Variants in TRIM44 observed in about 807,000 individuals in gnomAD.
The protein encoded by TRIM44 is tripartite motif containing 44, also known as tripartite motif-containing protein 44.
In TRIM44, 13 loss-of-function variants were observed where a neutral mutation model predicts 37.4. The observed-to-expected ratio is 0.35, with a 90% CI of 0.23 to 0.55. The LOEUF is 0.55. TRIM44 is among the 20% of genes least tolerant of loss of function. The pLI is 0.89. For synonymous variants in TRIM44, 175 were observed against 157.2 expected (o/e 1.11, Z -0.85); for missense variants, 426 against 437.2 (o/e 0.97, Z 0.23).
intron 4 of TRIM44, among the ~76,000 whole-genome samples, chr11:35,760,766 C>T (rs543030834): frequency 1.3e-5 from 2 of 152,280 alleles, no homozygotes; most frequent in East Asian, 3.9e-4. Flanking sequence ...AGTTAACATG[C>T]ATTATCTCAC....
chr11:35,720,707 T>TC (rs1256372909), intron 2 of TRIM44, among the ~76,000 whole-genome samples: 9 of 151,704 alleles, frequency 5.9e-5, no homozygotes, highest in Admixed American at 1.3e-4. Context: ...TGGAGGAAGC[T>TC]CCCCCCCACC....
chr11:35,761,467 G>A (rs1452201061), intron 4 of TRIM44, among the ~76,000 whole-genome samples: 1 of 151,912 alleles, frequency 6.6e-6, no homozygotes, highest in African/African-American at 2.4e-5. Flanking sequence ...TAGGACTCAT[G>A]AACCCATGGC....
chr11:35,799,648 T>C (rs1215933240), intron 4 of TRIM44, among the ~76,000 whole-genome samples: 1 of 152,218 alleles, frequency 6.6e-6, no homozygotes, highest in Non-Finnish European at 1.5e-5. Context: ...CCTAGTTCTA[T>C]TATTTACAAG....
intron 2 of TRIM44, among the ~76,000 whole-genome samples, chr11:35,718,612 T>G (rs941111053): frequency 1.3e-5 from 2 of 152,170 alleles, no homozygotes; most frequent in Non-Finnish European, 2.9e-5. Flanking sequence ...TGCATTAGGA[T>G]TCACTGTTGG....
At chr11:35,718,433 A>G (rs1161476318) in intron 2 of TRIM44, among the ~76,000 whole-genome samples, 2 of 152,174 alleles carry the variant, frequency 1.3e-5, no homozygotes, top group African/African-American at 4.8e-5. Flanking sequence ...ATTTTTTAGC[A>G]TGGTTTTAGG....
intron 2 of TRIM44, among the ~76,000 whole-genome samples, chr11:35,720,099 A>AT (rs1282048331): frequency 6.6e-6 from 1 of 152,118 alleles, no homozygotes; most frequent in Non-Finnish European, 1.5e-5. Context: ...TTTGATTGGG[A>AT]TTTTGTTAAT....
chr11:35,721,060 C>A (rs1366069034), intron 2 of TRIM44, among the ~76,000 whole-genome samples: 1 of 152,030 alleles, frequency 6.6e-6, no homozygotes, highest in African/African-American at 2.4e-5. Context: ...TGCACCAACA[C>A]ACCCAGCTAA....
intron 4 of TRIM44, among the ~76,000 whole-genome samples, chr11:35,778,267 A>C (rs1036777847): frequency 6.6e-6 from 1 of 152,112 alleles, no homozygotes; most frequent in African/African-American, 2.4e-5. Flanking sequence ...AACCTGGTGC[A>C]TTTGTCACGT....
chr11:35,813,042 TGAC>T lies in TRIM44; in HGVS notation c.*6659_*6661del, dbSNP rs1853545114. On this transcript the variant is annotated 3_prime_UTR_variant, in exon 5 of 5. Transcript: ENST00000299413. ...ACATGTTGAAGGCTCTCCAACAGCT[TGAC>T]GTCAGGCCAGCTTCATATTCTTGGA... 6.6e-6 allele frequency: 1 copy of T among 152,206 alleles called. No individual in the cohort carries two copies. The highest frequency in any genetic ancestry group is 6.5e-5 in the Admixed American group (1 of 15,272). 9.4% of individuals were successfully genotyped at this position (152,206 alleles called of 1,614,324 possible). A position where few individuals can be genotyped will look rare whatever the true frequency, so the allele number is the denominator to read the frequency against.
At chr11:35,756,505 C>T (rs1319825791) in intron 4 of TRIM44, among the ~76,000 whole-genome samples, 3 of 152,148 alleles carry the variant, frequency 2.0e-5, no homozygotes, top group East Asian at 1.9e-4. Context: ...ATTTACTTCT[C>T]CTGCCTGATT....
Position 35,683,137 on chromosome 11 carries a change from G to A in TRIM44, c.670-2122G>A, listed in dbSNP as rs371031841. Among the ~76,000 whole-genome samples the A allele has an allele frequency of 1.1e-4, 16 of 152,116 alleles. No homozygotes were observed. In the East Asian group the frequency reaches 3.1e-3, roughly 29 times the overall value. On this transcript the variant is annotated intron_variant, in intron 1 of 4. Coordinates refer to ENST00000299413, the MANE Select transcript of TRIM44 (RefSeq NM_017583.6). Reference sequence around the variant, plus strand: ...TTCTGGCAACTTAACCCTTTTTTAGGCACTTCAGGTCTCACCTGCTTCCTG... The same window carrying A: ...TTCTGGCAACTTAACCCTTTTTTAGACACTTCAGGTCTCACCTGCTTCCTG...
At chr11:35,756,131 G>C (rs376682142) in intron 4 of TRIM44, among the ~76,000 whole-genome samples, 43 of 152,006 alleles carry the variant, frequency 2.8e-4, no homozygotes, top group Middle Eastern at 3.4e-3. Flanking sequence ...TTCTTCCTAC[G>C]CATGAGCATG....
At chr11:35,759,195 G>A (rs894029096) in intron 4 of TRIM44, among the ~76,000 whole-genome samples, 8 of 152,096 alleles carry the variant, frequency 5.3e-5, no homozygotes, top group African/African-American at 1.4e-4. Flanking sequence ...GGCTTTGTTG[G>A]TTTCTTTTTA....
chr11:35,710,047 A>C (rs992367010), intron 2 of TRIM44, among the ~76,000 whole-genome samples: 1 of 152,188 alleles, frequency 6.6e-6, no homozygotes, highest in African/African-American at 2.4e-5. Context: ...CCTTATTTGC[A>C]CACAGTTTGA....
chr11:35,792,102 C>CAA (rs889441891), intron 4 of TRIM44, among the ~76,000 whole-genome samples: 2 of 120,018 alleles, frequency 1.7e-5, no homozygotes, highest in African/African-American at 5.5e-5. Flanking sequence ...CACACACACA[C>CAA]ACACACACAC....
chr11:35,730,337 C>T (rs1852240273), intron 3 of TRIM44, among the ~76,000 whole-genome samples: 1 of 152,078 alleles, frequency 6.6e-6, no homozygotes, highest in Non-Finnish European at 1.5e-5. Context: ...TTGAACTGAG[C>T]TTCAGGGACT....
intron 4 of TRIM44, among the ~76,000 whole-genome samples, chr11:35,796,089 A>G (rs1853281919): frequency 1.3e-5 from 2 of 152,298 alleles, no homozygotes; most frequent in South Asian, 4.1e-4. Context: ...CTAGGTCCAT[A>G]TTCATAACCC....
intron 4 of TRIM44, among the ~76,000 whole-genome samples, chr11:35,804,380 T>C (rs1241045139): frequency 6.6e-6 from 1 of 152,234 alleles, no homozygotes; most frequent in East Asian, 1.9e-4. Context: ...AGTTGTTGAC[T>C]TCTTTGAAAA....
chr11:35,684,159 ATAG>A (rs1226445875), intron 1 of TRIM44, among the ~76,000 whole-genome samples: 9 of 152,200 alleles, frequency 5.9e-5, no homozygotes, highest in Non-Finnish European at 1.2e-4. Flanking sequence ...ACTGACCAAT[ATAG>A]TAGTCACTAG....
Sources: gnomAD v4.1 joint callset for allele counts (sites outside exome capture counted in the v4.1 genomes callset) on GRCh38, gnomAD v4.1.1 for gene constraint, MANE v1.5 for transcripts, NCBI Gene and HGNC (gene_info 2026-07-23, HGNC 2026-07-21) for gene names.